The following FAAH2 variants were observed in gnomAD, a reference collection of about 807,000 sequenced individuals.
The protein encoded by FAAH2 is fatty-acid amide hydrolase 2.
In FAAH2, 60 loss-of-function variants were observed where a neutral mutation model predicts 36.9. The ratio of observed to expected loss-of-function variants is 1.63; its 90% confidence interval spans 1.32 to 2.02. FAAH2 has a LOEUF of 2.02. FAAH2 is among the 30% of genes most tolerant of loss of function. The probability of loss-of-function intolerance (pLI) is 0.00; values close to 1 mark genes in which losing one functional copy is unlikely to be tolerated. For synonymous variants in FAAH2, 214 were observed against 143.8 expected (o/e 1.49, Z -3.49); for missense variants, 689 against 397.5 (o/e 1.73, Z -6.23).
intron 8 of FAAH2, among the ~76,000 whole-genome samples, chrX:57,445,816 C>A (rs1217247692): frequency 8.9e-6 from 1 of 112,384 alleles, no homozygotes; most frequent in African/African-American, 3.2e-5. Context: ...TTTTGGCCAC[C>A]ACAGCTGATG....
upstream of FAAH2, among the ~76,000 whole-genome samples, chrX:57,282,844 C>T (rs1478753371): frequency 8.9e-6 from 1 of 111,957 alleles, no homozygotes; most frequent in Non-Finnish European, 1.9e-5. Flanking sequence ...AGGCTCCTCT[C>T]CCACAGAAGT....
the FAAH2 span, among the ~76,000 whole-genome samples, chrX:57,213,921 G>C: frequency 9.0e-6 from 1 of 111,680 alleles, no homozygotes; most frequent in East Asian, 2.8e-4. Context: ...ATGAGGTGTT[G>C]AAGTCCCCTG....
chrX:57,330,170 T>A (rs1467766999), intron 3 of FAAH2, among the ~76,000 whole-genome samples: 2 of 111,228 alleles, frequency 1.8e-5, no homozygotes, highest in Admixed American at 1.9e-4. Context: ...GTGAGCCGGG[T>A]GGAACAGAGT....
At chrX:57,210,781 A>G in the FAAH2 span, among the ~76,000 whole-genome samples, 1 of 112,729 alleles carries the variant, frequency 8.9e-6, no homozygotes, top group Non-Finnish European at 1.9e-5. Flanking sequence ...AATGAAAGCC[A>G]TAGAAATTTG....
intron 5 of FAAH2, among the ~76,000 whole-genome samples, chrX:57,374,201 C>A (rs555210387): frequency 9.0e-6 from 1 of 111,360 alleles, no homozygotes; most frequent in African/African-American, 3.3e-5. Context: ...TATGCAGATA[C>A]TTTTTGGGTC....
intron 10 of FAAH2, among the ~76,000 whole-genome samples, chrX:57,481,275 G>T (rs1379166432): frequency 9.0e-6 from 1 of 110,835 alleles, no homozygotes; most frequent in African/African-American, 3.3e-5. Flanking sequence ...ATCCAGTTTT[G>T]TGCCCTTGCT....
chrX:57,452,309 C>T, intron 10 of FAAH2: 1 of 754,537 alleles, frequency 1.3e-6, no homozygotes. Flanking sequence ...ATTTATATGT[C>T]AGGTTTGGCA....
the FAAH2 span, among the ~76,000 whole-genome samples, chrX:57,264,325 T>C: frequency 8.9e-6 from 1 of 112,443 alleles, no homozygotes; most frequent in African/African-American, 3.2e-5. Flanking sequence ...TTCTAGATTA[T>C]ATACAGAAAT....
chrX:57,334,527 AAAT>A (rs1187307206), intron 4 of FAAH2, among the ~76,000 whole-genome samples: 1 of 111,271 alleles, frequency 9.0e-6, no homozygotes, highest in African/African-American at 3.3e-5. Context: ...AAAAAAAAGA[AAAT>A]TATTAGAGAA....
rs774801666 is a variant in FAAH2 at position 57,377,233 on chromosome X, C to G, written c.743-1418C>G. Among the ~76,000 whole-genome samples the G allele has an allele frequency of 2.7e-5, 3 of 112,040 alleles. No individual in the cohort carries two copies. In the South Asian group the frequency reaches 1.1e-3, roughly 42 times the overall value. Reference sequence around the variant, plus strand: ...TGAAGTCTTTGCCCATGCCTATGTCCTGAATGGTATTGCCCAGGTTTTCTT... The same window carrying G: ...TGAAGTCTTTGCCCATGCCTATGTCGTGAATGGTATTGCCCAGGTTTTCTT... On this transcript the variant is annotated intron_variant, in intron 5 of 10. Coordinates refer to ENST00000374900, the MANE Select transcript of FAAH2 (RefSeq NM_174912.4).
chrX:57,482,497 C>T (rs1187744176), intron 10 of FAAH2, among the ~76,000 whole-genome samples: 1 of 110,317 alleles, frequency 9.1e-6, no homozygotes, highest in African/African-American at 3.3e-5. Flanking sequence ...AGAGGGAGGT[C>T]CCCCAACTTC....
At chrX:57,223,800 G>A in the FAAH2 span, among the ~76,000 whole-genome samples, 1 of 111,812 alleles carries the variant, frequency 8.9e-6, no homozygotes, top group African/African-American at 3.3e-5. Context: ...TCTCCGTTTT[G>A]GACTTCCAAC....
At chrX:57,368,724 A>G (rs774899648) in intron 5 of FAAH2, among the ~76,000 whole-genome samples, 16 of 111,334 alleles carry the variant, frequency 1.4e-4, no homozygotes, top group South Asian at 7.6e-4. Context: ...AGGTAAAAGT[A>G]TCTCCACATG....
Position 57,446,972 on chromosome X carries a change from T to A in FAAH2, c.1161T>A (p.His387Gln). Residue 387 changes from histidine (H) to glutamine (Q), a missense_variant, in exon 9 of 11, where the codon CAT (histidine) becomes CAA (glutamine). Transcript: ENST00000374900. ...ATTTGCTTGGTGACCATGGGAAACA[T>A]GTCAGTCCTCTGTGGGAGTTGATCA... ...FVDLLGDHGK[H>Q]VSPLWELIKW... The A allele has an allele frequency of 3.3e-6, 4 of 1,210,859 alleles. No homozygotes were observed. Among genetic ancestry groups the A allele is most frequent in the Non-Finnish European group, 4.5e-6 (4 of 895,031 alleles).
At chrX:57,418,708 AG>A (rs1156319931) in intron 7 of FAAH2, among the ~76,000 whole-genome samples, 1 of 14,189 alleles carries the variant, frequency 7.0e-5, no homozygotes, top group Non-Finnish European at 1.7e-3. Flanking sequence ...ATTCTTTCAA[AG>A]TATATATATA....
chrX:57,361,092 T>G (rs2054276160), intron 5 of FAAH2, among the ~76,000 whole-genome samples: 2 of 111,228 alleles, frequency 1.8e-5, no homozygotes, highest in African/African-American at 6.5e-5. Context: ...TCTCCATAAA[T>G]TTTTGGATAA....
chrX:57,242,737 T>C, the FAAH2 span, among the ~76,000 whole-genome samples: 543 of 112,249 alleles, frequency 4.8e-3, 3 homozygotes, highest in African/African-American at 0.017. Flanking sequence ...CCACATACTA[T>C]GCTTTTCCCA....
chrX:57,257,648 A>G, the FAAH2 span, among the ~76,000 whole-genome samples: 3 of 110,865 alleles, frequency 2.7e-5, no homozygotes, highest in Admixed American at 9.6e-5. Flanking sequence ...CTATGTAAAA[A>G]AACTGCACAT....
chrX:57,174,634 G>T, the FAAH2 span, among the ~76,000 whole-genome samples: 1 of 110,685 alleles, frequency 9.0e-6, no homozygotes, highest in Non-Finnish European at 1.9e-5. Context: ...AATTTGGTTT[G>T]TTCTTGTTTC....
Sources: allele counts gnomAD v4.1 joint callset (sites outside exome capture counted in the v4.1 genomes callset), GRCh38; gene constraint gnomAD v4.1.1; transcripts MANE v1.5; gene names NCBI Gene and HGNC (gene_info 2026-07-23, HGNC 2026-07-21).